NTNG1: variants seen among roughly 807,000 people sequenced by gnomAD.
NTNG1 encodes netrin G1.
NTNG1 carries 16 observed loss-of-function variants against 54.0 expected under a neutral mutation model. That is an observed-to-expected ratio of 0.30 (90% CI 0.20 to 0.45). The LOEUF is 0.45. Among genes scored for constraint, NTNG1 ranks in the 20% least tolerant of loss-of-function variants. The probability of loss-of-function intolerance (pLI) is 1.00; values close to 1 mark genes in which losing one functional copy is unlikely to be tolerated. For synonymous variants in NTNG1, 255 were observed against 263.1 expected (o/e 0.97, Z 0.30); for missense variants, 530 against 678.7 (o/e 0.78, Z 2.43).
Position 107,276,193 on chromosome 1 carries a change from A to G in NTNG1, c.247-48089A>G, listed in dbSNP as rs192017382. 2.0e-5 allele frequency among the ~76,000 whole-genome samples: 3 copies of G among 152,148 alleles called. No homozygotes were observed. In the East Asian group the frequency reaches 5.8e-4, roughly 29 times the overall value. On this transcript the variant is annotated intron_variant, in intron 2 of 7. Transcript: ENST00000370068. ...CTGAATCTGATTCCTTACTAAGGAG[A>G]CTCTATTAAATACTTGTTGATTACA... is the stretch of plus-strand genomic sequence containing the variant.
chr1:107,467,091 C>T (rs1677652507), intron 7 of NTNG1, among the ~76,000 whole-genome samples: 1 of 152,086 alleles, frequency 6.6e-6, no homozygotes, highest in African/African-American at 2.4e-5. Context: ...CTTAATGTTA[C>T]TCATGAGCTT....
rs1310937539 is a variant in NTNG1, at chr1:107,148,315, A to G, written c.-279A>G. On this transcript the variant is annotated 5_prime_UTR_variant, in exon 2 of 8. The change abolishes the stop of an existing upstream ORF in the 5' untranslated region. Coordinates refer to ENST00000370068, the MANE Select transcript of NTNG1 (RefSeq NM_001113226.3). ...ACCTGAGTCTAATAGATATGTTCTA[A>G]GACAAAGAAAAAGCTGCAAGTTGTT... The G allele has an allele frequency of 2.7e-6, 1 of 369,252 alleles. No individual in the cohort carries two copies. Among genetic ancestry groups the G allele is most frequent in the Non-Finnish European group, 5.0e-6 (1 of 201,888 alleles). The allele number at this position is 369,252 out of a possible 1,614,324, so 22.9% of individuals were successfully genotyped here.
At chr1:107,363,894 A>G (rs1670434111) in intron 3 of NTNG1, among the ~76,000 whole-genome samples, 1 of 152,128 alleles carries the variant, frequency 6.6e-6, no homozygotes, top group Admixed American at 6.6e-5. Context: ...ATTGTTCACT[A>G]TTGTTTTGAT....
chr1:107,469,983 C>A (rs1677874702), intron 7 of NTNG1, among the ~76,000 whole-genome samples: 1 of 152,234 alleles, frequency 6.6e-6, no homozygotes, highest in African/African-American at 2.4e-5. Flanking sequence ...AATGTCCACT[C>A]ATTTAGCACC....
chr1:107,152,404 T>C (rs1199941373), intron 2 of NTNG1, among the ~76,000 whole-genome samples: 1 of 152,170 alleles, frequency 6.6e-6, no homozygotes, highest in East Asian at 1.9e-4. Context: ...AAAGCTGAAG[T>C]GACAACACAA....
At chr1:107,167,044 C>T (rs1377959350) in intron 2 of NTNG1, among the ~76,000 whole-genome samples, 4 of 152,140 alleles carry the variant, frequency 2.6e-5, no homozygotes, top group South Asian at 2.1e-4. Flanking sequence ...TAATCCCAGC[C>T]CAAACCTCAG....
At chr1:107,473,783 C>T (rs1265917584) in intron 7 of NTNG1, among the ~76,000 whole-genome samples, 1 of 152,204 alleles carries the variant, frequency 6.6e-6, no homozygotes, top group Non-Finnish European at 1.5e-5. Flanking sequence ...GGCTTGCTTG[C>T]TAAAGCTATG....
chr1:107,361,949 C>T (rs904468367), intron 3 of NTNG1, among the ~76,000 whole-genome samples: 4 of 152,056 alleles, frequency 2.6e-5, no homozygotes, highest in Non-Finnish European at 5.9e-5. Flanking sequence ...CCATGGAGTA[C>T]TCAGCTGGAA....
intron 2 of NTNG1, among the ~76,000 whole-genome samples, chr1:107,248,562 A>T (rs1307023655): frequency 6.6e-6 from 1 of 152,186 alleles, no homozygotes; most frequent in East Asian, 1.9e-4. Flanking sequence ...GATTTAAGAC[A>T]AGCATTTTTC....
chr1:107,232,694 G>A (rs147553980), intron 2 of NTNG1, among the ~76,000 whole-genome samples: 2 of 152,198 alleles, frequency 1.3e-5, no homozygotes, highest in Admixed American at 1.3e-4. Flanking sequence ...TTCTACTCTG[G>A]AATGCCTTGC....
intron 5 of NTNG1, among the ~76,000 whole-genome samples, chr1:107,414,551 T>C (rs1372880400): frequency 6.6e-6 from 1 of 152,184 alleles, no homozygotes; most frequent in African/African-American, 2.4e-5. Flanking sequence ...TTCTCTAAAT[T>C]AAGCTATATC....
chr1:107,470,944 G>A (rs1309827804), intron 7 of NTNG1, among the ~76,000 whole-genome samples: 2 of 152,152 alleles, frequency 1.3e-5, no homozygotes, highest in Non-Finnish European at 2.9e-5. Flanking sequence ...AAATTTTAGG[G>A]ATGTTTGGGC....
chr1:107,203,590 G>GTA (rs968255822), intron 2 of NTNG1, among the ~76,000 whole-genome samples: 55 of 110,156 alleles, frequency 5.0e-4, no homozygotes, highest in African/African-American at 1.5e-3. Flanking sequence ...GTGTGTGTGT[G>GTA]TATATATATA....
chr1:107,220,259 A>G (rs1458097946), intron 2 of NTNG1, among the ~76,000 whole-genome samples: 1 of 152,164 alleles, frequency 6.6e-6, no homozygotes, highest in Non-Finnish European at 1.5e-5. Context: ...CAGAGCTGAG[A>G]ATTTGCCCCA....
Position 107,481,550 on chromosome 1 carries a change from G to A in NTNG1, c.*710G>A, listed in dbSNP as rs1407821651. On this transcript the variant is annotated 3_prime_UTR_variant, in exon 8 of 8. Coordinates refer to ENST00000370068, the MANE Select transcript of NTNG1 (RefSeq NM_001113226.3). ...ATCTATCCTTTTGTATTCAAATGAA[G>A]TTATTTTTCTTGAACTACTGTAATA... 1.3e-5 allele frequency: 2 copies of A among 152,748 alleles called. No homozygotes were observed. Among genetic ancestry groups the A allele is most frequent in the East Asian group, 3.9e-4 (2 of 5,188 alleles). 9.5% of individuals were successfully genotyped at this position (152,748 alleles called of 1,614,324 possible).
At chr1:107,343,978 A>AG (rs1188826094) in intron 3 of NTNG1, among the ~76,000 whole-genome samples, 2 of 152,092 alleles carry the variant, frequency 1.3e-5, no homozygotes, top group Non-Finnish European at 2.9e-5. Context: ...GAATTTGAGA[A>AG]GCTGGAATAC....
At chr1:107,231,054 C>A (rs1661031692) in intron 2 of NTNG1, among the ~76,000 whole-genome samples, 1 of 152,126 alleles carries the variant, frequency 6.6e-6, no homozygotes, top group Admixed American at 6.6e-5. Context: ...CTGATAATAA[C>A]CAAATGTATG....
chr1:107,338,451 T>C (rs1383655852), intron 3 of NTNG1, among the ~76,000 whole-genome samples: 3 of 151,952 alleles, frequency 2.0e-5, no homozygotes, highest in Admixed American at 2.0e-4. Flanking sequence ...GGTCTGCTGC[T>C]GCAAGCCTGA....
chr1:107,197,123 A>C (rs961204606), intron 2 of NTNG1, among the ~76,000 whole-genome samples: 1 of 152,060 alleles, frequency 6.6e-6, no homozygotes, highest in African/African-American at 2.4e-5. Flanking sequence ...CTGAGCATGC[A>C]GTACTTTTAG....
Sources: allele counts gnomAD v4.1 joint callset (sites outside exome capture counted in the v4.1 genomes callset), GRCh38; gene constraint gnomAD v4.1.1; transcripts MANE v1.5; gene names NCBI Gene and HGNC (gene_info 2026-07-23, HGNC 2026-07-21).